Variants in STK32C observed in about 807,000 individuals in gnomAD.
STK32C encodes serine/threonine-protein kinase 32C.
Under a neutral mutation model 56.5 loss-of-function variants are expected in STK32C, and 31 were observed. That is an observed-to-expected ratio of 0.55 (90% confidence interval 0.41 to 0.74). STK32C has a LOEUF of 0.74. Among genes scored for constraint, STK32C ranks in the 30% least tolerant of loss-of-function variants. The probability of loss-of-function intolerance (pLI) is 0.00; values close to 1 mark genes in which losing one functional copy is unlikely to be tolerated. For synonymous variants in STK32C, 309 were observed against 289.4 expected, an observed-to-expected ratio of 1.07 and a Z score of -0.69; for missense variants, 544 against 676.9, an observed-to-expected ratio of 0.80 and a Z score of 2.18.
At chr10:132,245,803 G>A in intron 2 of STK32C, 97 bp downstream of exon 2, 1 of 1,240,760 alleles carries the variant, frequency 8.1e-7, no homozygotes. Context: ...TTCTCCCAAG[G>A]AGGATGGGAG....
chr10:132,305,527 C>T (rs1169259830), intron 1 of STK32C, among the ~76,000 whole-genome samples: 1 of 152,224 alleles, frequency 6.6e-6, no homozygotes, highest in Non-Finnish European at 1.5e-5. Context: ...AGCACCAGGG[C>T]CTCCTTAAGC....
At chr10:132,215,842 T>C (rs895739264) in intron 10 of STK32C, among the ~76,000 whole-genome samples, 1 of 152,184 alleles carries the variant, frequency 6.6e-6, no homozygotes, top group Admixed American at 6.5e-5. Context: ...TCCTAGAGAC[T>C]TGTTGAATGG....
intron 10 of STK32C, among the ~76,000 whole-genome samples, chr10:132,209,964 G>A (rs560940964): frequency 6.6e-6 from 1 of 152,322 alleles, no homozygotes; most frequent in African/African-American, 2.4e-5. Flanking sequence ...CCAAGGCCCT[G>A]GGAGGGAGGG....
chr10:132,295,107 GCACGGAAAA>G, intron 1 of STK32C, among the ~76,000 whole-genome samples: 1 of 152,296 alleles, frequency 6.6e-6, no homozygotes, highest in Middle Eastern at 3.4e-3. Context: ...CAGAGCAGGT[GCACGGAAAA>G]CACGTTAAGC....
intron 4 of STK32C, among the ~76,000 whole-genome samples, chr10:132,226,463 C>A (rs1257671889): frequency 6.6e-6 from 1 of 152,190 alleles, no homozygotes; most frequent in Non-Finnish European, 1.5e-5. Flanking sequence ...GGTGGATGGG[C>A]AAACAGGAGC....
At chr10:132,235,126 G>A (rs939519962) in intron 2 of STK32C, among the ~76,000 whole-genome samples, 9 of 148,130 alleles carry the variant, frequency 6.1e-5, no homozygotes, top group Non-Finnish European at 1.2e-4. Context: ...GGTATGAACC[G>A]TGTGAGTGGT....
At position 132,331,770 on chromosome 10, in the gene STK32C, G is replaced by A. The variant is rs754873763; in HGVS notation, c.-34C>T. ...CTTCCTTCCCCTCTGTGCCAGGCCG[G>A]TCGCCCCTCCAGACCCTCGCGGTCT... On this transcript the variant is annotated 5_prime_UTR_variant, in exon 1 of 2. Transcript: ENST00000368619. 17 of 1,609,502 alleles carry A rather than the reference G, an allele frequency of 1.1e-5. No individual in the cohort carries two copies. The Admixed American group carries it at 2.8e-4, about 27-fold the overall frequency.
intron 1 of STK32C, among the ~76,000 whole-genome samples, chr10:132,291,933 A>G (rs912731385): frequency 4.6e-5 from 7 of 152,114 alleles, no homozygotes; most frequent in Non-Finnish European, 5.9e-5. Context: ...CCTCTCAGAC[A>G]CCAGTGGGGA....
At chr10:132,278,757 C>CA (rs60685458) in intron 1 of STK32C, among the ~76,000 whole-genome samples, 7,376 of 90,060 alleles carry the variant, frequency 0.082, 393 homozygotes, top group African/African-American at 0.18. Context: ...GAGACTGTCT[C>CA]AAAAAAAAAA....
intron 3 of STK32C, 124 bp downstream of exon 3, chr10:132,227,853 G>C (rs2062948259): frequency 8.1e-7 from 1 of 1,231,202 alleles, no homozygotes; most frequent in Non-Finnish European, 1.1e-6. Context: ...GAGAGGGCCT[G>C]TGGGTGGCAG....
chr10:132,288,682 T>G (rs1343476454), intron 1 of STK32C, among the ~76,000 whole-genome samples: 6 of 152,226 alleles, frequency 3.9e-5, no homozygotes. Flanking sequence ...TAAAAATTTT[T>G]AAATACAACT....
upstream of STK32C, chr10:132,308,019 G>A (rs2066136933): frequency 1.2e-6 from 1 of 822,662 alleles, no homozygotes. Flanking sequence ...TCTGGAAGGG[G>A]CGGGGGCGGG....
intron 1 of STK32C, among the ~76,000 whole-genome samples, chr10:132,298,470 T>C (rs572096052): frequency 1.1e-4 from 16 of 152,302 alleles, no homozygotes; most frequent in African/African-American, 3.8e-4. Context: ...CCCCTTCCGA[T>C]GCGGGGTCCA....
At chr10:132,330,128 G>C (rs1418646668) in intron 1 of STK32C, among the ~76,000 whole-genome samples, 1 of 152,188 alleles carries the variant, frequency 6.6e-6, no homozygotes, top group East Asian at 1.9e-4. Context: ...TTGCCAAAAG[G>C]CTACCAATGG....
intron 1 of STK32C, among the ~76,000 whole-genome samples, chr10:132,305,021 C>T (rs977359940): frequency 6.6e-6 from 1 of 152,234 alleles, no homozygotes; most frequent in Admixed American, 6.5e-5. Flanking sequence ...CACTTGGTAT[C>T]ACCAGGACAC....
chr10:132,264,645 G>A (rs915717947), intron 1 of STK32C, among the ~76,000 whole-genome samples: 1 of 152,204 alleles, frequency 6.6e-6, no homozygotes, highest in African/African-American at 2.4e-5. Flanking sequence ...GCTGATGGGG[G>A]GCATGGATGC....
chr10:132,230,102 C>T (rs1462568213), intron 2 of STK32C, among the ~76,000 whole-genome samples: 1 of 152,234 alleles, frequency 6.6e-6, no homozygotes, highest in African/African-American at 2.4e-5. Context: ...CTGCAGGCAG[C>T]CCGAGAACAG....
rs2062957805 is a variant in STK32C at position 132,228,074 on chromosome 10, T to C, written c.373A>G (p.Asn125Asp). The C allele has an allele frequency of 6.2e-7, 1 of 1,614,054 alleles. No homozygotes were observed. Among genetic ancestry groups the C allele is most frequent in the African/African-American group, 1.3e-5 (1 of 75,046 alleles). The change falls in exon 3 of 12, where the codon AAC (asparagine) becomes GAC (aspartate). Residue 125 changes from asparagine to aspartate, a missense_variant. Asn to Asp is a conservative substitution (Grantham distance 23). Around this residue, in one of 3 missense-constraint regions of STK32C, gnomAD observed 182 missense variants for 217.7 expected, o/e 0.84. Transcript: ENST00000298630. ...TEKMYAMKYM[N>D]KQQCIERDEV... is the part of the protein sequence containing the mutation. ...TCGCGCTCGATGCACTGCTGCTTGT[T>C]CATGTACTTCATGGCGTACATCTTC... is the stretch of plus-strand genomic sequence containing the variant.
rs545539532 is a variant in STK32C at position 132,296,252 on chromosome 10, G to A, written c.262+11320C>T. Among the ~76,000 whole-genome samples, 3 of 151,886 alleles carry A rather than the reference G, an allele frequency of 2.0e-5. No homozygotes were observed. The South Asian group carries it at 6.3e-4, about 32-fold the overall frequency. On this transcript the variant is annotated intron_variant, in intron 1 of 11. Coordinates refer to ENST00000298630, the MANE Select transcript of STK32C (RefSeq NM_173575.4). ...GTCATAAAAAGCAAGTTTGAGAAAC[G>A]GTCACAGCACGGAGTAGACTAAGGC...
Sources: gnomAD v4.1 joint callset for allele counts (sites outside exome capture counted in the v4.1 genomes callset) on GRCh38, gnomAD v4.1.1 for gene constraint, gnomAD v4.1.1 regional missense constraint, MANE v1.5 for transcripts, NCBI Gene and HGNC (gene_info 2026-07-23, HGNC 2026-07-21) for gene names.